SPTLC3: variants seen among roughly 807,000 people sequenced by gnomAD.
The protein encoded by SPTLC3 is serine palmitoyltransferase 3.
In SPTLC3, 36 loss-of-function variants were observed where a neutral mutation model predicts 59.3. That is an observed-to-expected ratio of 0.61 (90% CI 0.47 to 0.80). The LOEUF (loss-of-function observed/expected upper bound fraction) is 0.80. SPTLC3 is among the 30% of genes least tolerant of loss of function. SPTLC3 has a pLI of 0.00. For missense variants in SPTLC3, 625 were observed against 685.1 expected (o/e 0.91, Z 0.98); for synonymous variants, 257 against 240.8 (o/e 1.07, Z -0.62).
intron 2 of SPTLC3, among the ~76,000 whole-genome samples, chr20:13,064,276 T>TG (rs1988096923): frequency 9.8e-6 from 1 of 102,454 alleles, no homozygotes; most frequent in African/African-American, 3.6e-5. Flanking sequence ...CTTTTCTTTT[T>TG]TTTTTTTGTT....
intron 8 of SPTLC3, among the ~76,000 whole-genome samples, chr20:13,126,217 T>C (rs762246269): frequency 2.6e-5 from 4 of 152,170 alleles, no homozygotes; most frequent in Non-Finnish European, 5.9e-5. Context: ...ATATGTAATA[T>C]TCTCAAGGGC....
chr20:13,012,611 C>T (rs1985314407), intron 1 of SPTLC3, among the ~76,000 whole-genome samples: 1 of 152,098 alleles, frequency 6.6e-6, no homozygotes, highest in South Asian at 2.1e-4. Flanking sequence ...TAATAAATAT[C>T]AATATTCTGC....
At chr20:13,034,038 G>A (rs2052976) in intron 1 of SPTLC3, among the ~76,000 whole-genome samples, 145,597 of 152,242 alleles carry the variant, frequency 0.96, 69,966 homozygotes, top group East Asian at 1. Context: ...TGTGAAGTGA[G>A]AGCCATTTGA....
At chr20:13,084,410 G>A (rs1319598407) in intron 4 of SPTLC3, among the ~76,000 whole-genome samples, 1 of 152,180 alleles carries the variant, frequency 6.6e-6, no homozygotes, top group African/African-American at 2.4e-5. Context: ...AAAAGCCACG[G>A]AATTGTGATG....
chr20:13,085,715 C>T (rs886649121), intron 4 of SPTLC3, among the ~76,000 whole-genome samples: 1 of 152,106 alleles, frequency 6.6e-6, no homozygotes, highest in South Asian at 2.1e-4. Context: ...AGAGTATGAG[C>T]CAGTCAGTAT....
chr20:13,069,468 T>C (rs757509635), intron 2 of SPTLC3, among the ~76,000 whole-genome samples: 12 of 152,288 alleles, frequency 7.9e-5, no homozygotes, highest in Admixed American at 5.9e-4. Context: ...CCTCAGATCA[T>C]TAGGCATTAG....
intron 1 of SPTLC3, among the ~76,000 whole-genome samples, chr20:13,047,151 T>C (rs1195846366): frequency 1.3e-5 from 2 of 152,194 alleles, no homozygotes; most frequent in African/African-American, 2.4e-5. Flanking sequence ...AATGTAGAGA[T>C]TTAAAATATT....
At chr20:13,011,078 C>T (rs922396333) in intron 1 of SPTLC3, among the ~76,000 whole-genome samples, 22 of 152,102 alleles carry the variant, frequency 1.4e-4, no homozygotes, top group Admixed American at 1.4e-3. Context: ...CACTAAGCTA[C>T]AATTGGCTTT....
At chr20:13,032,486 T>A (rs977383229) in intron 1 of SPTLC3, among the ~76,000 whole-genome samples, 2 of 152,206 alleles carry the variant, frequency 1.3e-5, no homozygotes, top group African/African-American at 4.8e-5. Context: ...TCCAGTGGAC[T>A]CTATACAGCT....
chr20:13,119,066 G>A (rs759457095), intron 8 of SPTLC3, among the ~76,000 whole-genome samples: 13 of 152,332 alleles, frequency 8.5e-5, no homozygotes, highest in African/African-American at 1.7e-4. Flanking sequence ...TCTGGTGAAA[G>A]GTTAAATGTT....
At chr20:13,097,312 G>A (rs1293056623) in intron 6 of SPTLC3, among the ~76,000 whole-genome samples, 2 of 151,962 alleles carry the variant, frequency 1.3e-5, no homozygotes, top group Non-Finnish European at 2.9e-5. Context: ...ATCATGCTAA[G>A]AATGTATGTA....
chr20:13,021,040 A>G (rs1985854416), intron 1 of SPTLC3, among the ~76,000 whole-genome samples: 1 of 152,208 alleles, frequency 6.6e-6, no homozygotes. Flanking sequence ...AATGACAGCC[A>G]TAAACCCTTG....
intron 4 of SPTLC3, among the ~76,000 whole-genome samples, 190 bp from the exon 5 acceptor site, chr20:13,090,893 C>A (rs963110267): frequency 3.4e-5 from 4 of 117,754 alleles, no homozygotes; most frequent in African/African-American, 1.3e-4. Flanking sequence ...ATAAATACCC[C>A]ACATTGTATT....
chr20:13,140,348 C>T (rs1447179230), intron 9 of SPTLC3, among the ~76,000 whole-genome samples: 2 of 152,070 alleles, frequency 1.3e-5, no homozygotes, highest in Admixed American at 1.3e-4. Flanking sequence ...CTTTTGGGAC[C>T]ATAGACGAAA....
intron 9 of SPTLC3, among the ~76,000 whole-genome samples, chr20:13,134,104 G>C (rs978283580): frequency 2.0e-5 from 3 of 152,180 alleles, no homozygotes; most frequent in Admixed American, 2.0e-4. Context: ...TCAGGTGTAC[G>C]TACCATGCAC....
chr20:13,125,631 AG>A (rs1283595701), intron 8 of SPTLC3, among the ~76,000 whole-genome samples: 1 of 152,224 alleles, frequency 6.6e-6, no homozygotes, highest in Non-Finnish European at 1.5e-5. Context: ...TTGAGTCAGC[AG>A]GGCACTGCTT....
chr20:13,157,911 G>A (rs1327400191), intron 10 of SPTLC3, among the ~76,000 whole-genome samples: 1 of 152,190 alleles, frequency 6.6e-6, no homozygotes, highest in Non-Finnish European at 1.5e-5. Flanking sequence ...TTTTATTAAA[G>A]AATGGTGATC....
At chr20:13,060,703 A>G (rs1277607249) in intron 2 of SPTLC3, among the ~76,000 whole-genome samples, 3 of 144,528 alleles carry the variant, frequency 2.1e-5, no homozygotes, top group Non-Finnish European at 4.5e-5. Context: ...AACATGTAGT[A>G]TTTGACTTTC....
intron 2 of SPTLC3, among the ~76,000 whole-genome samples, chr20:13,065,017 T>G (rs1306333787): frequency 6.6e-6 from 1 of 152,158 alleles, no homozygotes; most frequent in Non-Finnish European, 1.5e-5. Flanking sequence ...ATTTTTATAT[T>G]CTAACCTCAA....
Sources: allele counts gnomAD v4.1 joint callset (sites outside exome capture counted in the v4.1 genomes callset), GRCh38; gene constraint gnomAD v4.1.1; transcripts MANE v1.5; gene names NCBI Gene and HGNC (gene_info 2026-07-23, HGNC 2026-07-21).